The following BTBD3 variants were observed in gnomAD, a reference collection of about 807,000 sequenced individuals.
BTBD3 encodes BTB/POZ domain-containing protein 3.
In BTBD3, 14 loss-of-function variants were observed where a neutral mutation model predicts 41.6. The observed-to-expected ratio is 0.34, with a 90% CI of 0.22 to 0.53. The LOEUF (loss-of-function observed/expected upper bound fraction) is 0.53, where lower values mean the gene tolerates loss of function less well. Among genes scored for constraint, BTBD3 ranks in the 20% least tolerant of loss-of-function variants. The probability of loss-of-function intolerance (pLI) is 0.95; values close to 1 mark genes in which losing one functional copy is unlikely to be tolerated. For missense variants in BTBD3, 426 were observed against 654.7 expected (o/e 0.65, Z 3.81); for synonymous variants, 249 against 233.7 (o/e 1.07, Z -0.60).
chr20:11,895,780 C>T (rs938802429), intron 1 of BTBD3, among the ~76,000 whole-genome samples: 1 of 152,288 alleles, frequency 6.6e-6, no homozygotes, highest in Admixed American at 6.5e-5. Flanking sequence ...TTTTACTGAC[C>T]TTATTTTAAC....
In BTBD3 at chr20:11,922,988, C is replaced by T. The variant is rs748681909; in HGVS notation, c.891C>T (p.Cys297=). ...EAALNWAEVE[C]QRQDLALSIE... is the part of the protein sequence containing the mutation. Reference sequence around the variant, plus strand: ...CTCTCAACTGGGCTGAAGTAGAATGCCAACGACAAGATCTGGCGTTGAGCA... The same window carrying T: ...CTCTCAACTGGGCTGAAGTAGAATGTCAACGACAAGATCTGGCGTTGAGCA... The change falls in exon 4 of 4, where the codon TGC becomes TGT. Residue 297 remains cysteine (C), a synonymous_variant. Coordinates refer to ENST00000378226, the MANE Select transcript of BTBD3 (RefSeq NM_014962.4). 6.2e-7 allele frequency: 1 copy of T among 1,614,218 alleles called. No homozygotes were observed. Among genetic ancestry groups the T allele is most frequent in the Admixed American group, 1.7e-5 (1 of 60,028 alleles).
intron 1 of BTBD3, among the ~76,000 whole-genome samples, chr20:11,895,633 C>G (rs779847664): frequency 1.6e-4 from 24 of 152,160 alleles, no homozygotes; most frequent in Non-Finnish European, 2.8e-4. Context: ...GGAGAAGGTT[C>G]ACCATACAGA....
rs1358942208 is a variant in BTBD3, at chr20:11,926,377, TTAAA to T, written c.*2715_*2718del. ...TGAACTTTTTTGTTTATTAAGGTGT[TTAAA>T]TAAGCTCAGCTAATTCAAGACACTG... On this transcript the variant is annotated 3_prime_UTR_variant, in exon 4 of 4. Transcript: ENST00000378226. 21 of 152,776 alleles carry T rather than the reference TTAAA, an allele frequency of 1.4e-4. No individual in the cohort carries two copies. Among genetic ancestry groups the T allele is most frequent in the African/African-American group, 4.6e-4 (19 of 41,586 alleles). The allele number at this position is 152,776 out of a possible 1,614,324, so 9.5% of individuals were successfully genotyped here.
intron 2 of BTBD3, 21 bp downstream of exon 2, chr20:11,919,197 C>T (rs371617384): frequency 1.9e-5 from 30 of 1,602,954 alleles, no homozygotes; most frequent in African/African-American, 1.5e-4. Context: ...GCTGCATGAC[C>T]GGTTTAGTCC....
chr20:11,891,519 C>CGCGGGAACCCAGCGAGTGGCG (rs1421995542), intron 1 of BTBD3: 1 of 152,248 alleles, frequency 6.6e-6, no homozygotes, highest in African/African-American at 2.4e-5. Context: ...CCTCAGGCGC[C>CGCGGGAACCCAGCGAGTGGCG]GCGGGAACCC....
chr20:11,918,595 G>T lies in BTBD3; in HGVS notation c.320G>T (p.Arg107Ile). 1 of 1,594,160 alleles carries T rather than the reference G, an allele frequency of 6.3e-7. No homozygotes were observed. Among genetic ancestry groups the T allele is most frequent in the Admixed American group, 1.8e-5 (1 of 55,456 alleles). The change falls in exon 1 of 4, where the codon AGA becomes ATA. Residue 107 changes from arginine to isoleucine, a missense_variant. Transcript: ENST00000378226. ...TGGCAGGGTCTTTATCCCACCATTA[G>T]AGAGAGGTAAGTGCCGCGCTAGTCT... is the stretch of plus-strand genomic sequence containing the variant. ...PNWQGLYPTI[R>I]ERNAMMFNND... is the part of the protein sequence containing the mutation.
chr20:11,922,910 T>A lies in BTBD3; in HGVS notation c.813T>A (p.Ser271Arg). The change falls in exon 4 of 4, where the codon AGT becomes AGA. Residue 271 changes from serine to arginine, a missense_variant. Ser to Arg is a moderately radical substitution (Grantham distance 110). Transcript: ENST00000378226. The part of the protein sequence containing the change: ...FCDIDFQTLE[S>R]ILRRETLNAK... ...ATATTGACTTCCAGACACTAGAAAGTATTCTCCGTAGGGAAACTCTGAATG... is the reference window on the plus strand; with the variant it reads ...ATATTGACTTCCAGACACTAGAAAGAATTCTCCGTAGGGAAACTCTGAATG... The A allele has an allele frequency of 6.2e-7, 1 of 1,614,242 alleles. No individual in the cohort carries two copies. Among genetic ancestry groups the A allele is most frequent in the Non-Finnish European group, 8.5e-7 (1 of 1,180,042 alleles).
chr20:11,901,107 T>TG (rs2056821326), intron 1 of BTBD3, among the ~76,000 whole-genome samples: 1 of 152,184 alleles, frequency 6.6e-6, no homozygotes, highest in Non-Finnish European at 1.5e-5. Context: ...TTATATCAGG[T>TG]GACTTTTCCC....
chr20:11,906,554 A>G (rs2056856240), intron 1 of BTBD3, among the ~76,000 whole-genome samples: 2 of 151,992 alleles, frequency 1.3e-5, no homozygotes, highest in South Asian at 4.1e-4. Context: ...GTGAGCCACC[A>G]TACCCGGCCT....
intron 1 of BTBD3, chr20:11,891,437 A>G (rs2056753245): frequency 6.6e-6 from 1 of 151,366 alleles, no homozygotes; most frequent in Admixed American, 6.6e-5. Flanking sequence ...AGCGGAGCAA[A>G]CTTCCCCTAA....
chr20:11,892,715 AC>A (rs1243751133), intron 1 of BTBD3, among the ~76,000 whole-genome samples: 1 of 152,186 alleles, frequency 6.6e-6, no homozygotes, highest in Non-Finnish European at 1.5e-5. Flanking sequence ...TGAAGTGGAA[AC>A]AATGTTTTCT....
rs181130969 is a variant in BTBD3, at chr20:11,897,193, C to T, written c.-126+6239C>T. On this transcript the variant is annotated intron_variant, in intron 1 of 4. Coordinates refer to the BTBD3 transcript ENST00000254977. ...ACCCGCCTGTTGTCACAAATAGTCA[C>T]AGGGCTTTAATAAAATACTGTGTAG... 2.0e-5 allele frequency among the ~76,000 whole-genome samples: 3 copies of T among 152,236 alleles called. No individual in the cohort carries two copies. The East Asian group carries it at 5.8e-4, about 29-fold the overall frequency.
intron 1 of BTBD3, chr20:11,891,053 GGC>G: frequency 1.1e-6 from 1 of 871,312 alleles, no homozygotes; most frequent in Non-Finnish European, 1.4e-6. Flanking sequence ...CGGCCGGAGG[GGC>G]CGAGCGAAGC....
chr20:11,893,504 C>G (rs182221705), intron 1 of BTBD3, among the ~76,000 whole-genome samples: 2 of 152,210 alleles, frequency 1.3e-5, no homozygotes, highest in African/African-American at 2.4e-5. Flanking sequence ...TCCCTTCTTT[C>G]ATCACACATT....
chr20:11,908,387 G>T (rs1045307571), intron 1 of BTBD3, among the ~76,000 whole-genome samples: 1 of 114,164 alleles, frequency 8.8e-6, no homozygotes, highest in Non-Finnish European at 1.8e-5. Context: ...GATGTATTTT[G>T]ACTTTAATGT....
At chr20:11,919,005 CT>C in intron 1 of BTBD3, 80 bp from the exon 2 acceptor site, 1 of 1,054,810 alleles carries the variant, frequency 9.5e-7, no homozygotes, top group Non-Finnish European at 1.4e-6. Flanking sequence ...GCTTGCAAGT[CT>C]TTTGTGGGTT....
chr20:11,895,622 TGGA>T (rs1163772300), intron 1 of BTBD3, among the ~76,000 whole-genome samples: 1 of 152,140 alleles, frequency 6.6e-6, no homozygotes, highest in Non-Finnish European at 1.5e-5. Context: ...AGAGTCATGT[TGGA>T]GAAGGTTCAC....
chr20:11,891,700 C>T (rs552068531), intron 1 of BTBD3, among the ~76,000 whole-genome samples: 3 of 152,292 alleles, frequency 2.0e-5, no homozygotes, highest in Non-Finnish European at 2.9e-5. Context: ...TACCTCCTGG[C>T]CTTTTCAAAG....
chr20:11,914,480 G>A (rs140683006), upstream of BTBD3, among the ~76,000 whole-genome samples: 606 of 152,056 alleles, frequency 4.0e-3, 5 homozygotes, highest in Non-Finnish European at 4.9e-3. Flanking sequence ...CAATTTCACC[G>A]ACAGCTTGAG....
Sources: gnomAD v4.1 joint callset for allele counts (sites outside exome capture counted in the v4.1 genomes callset) on GRCh38, gnomAD v4.1.1 for gene constraint, MANE v1.5 for transcripts, NCBI Gene and HGNC (gene_info 2026-07-23, HGNC 2026-07-21) for gene names.